Variants in ATP2B1 observed in about 807,000 individuals in gnomAD.
ATP2B1 encodes the protein ATPase plasma membrane Ca2+ transporting 1.
ATP2B1 carries 14 observed loss-of-function variants against 124.2 expected under a neutral mutation model. That is an observed-to-expected ratio of 0.11 (90% confidence interval 0.07 to 0.18). The LOEUF (loss-of-function observed/expected upper bound fraction) is 0.18. Among genes scored for constraint, ATP2B1 ranks in the 10% least tolerant of loss-of-function variants. The pLI is 1.00. For missense variants in ATP2B1, 763 were observed against 1,466.1 expected (o/e 0.52, Z 7.83); for synonymous variants, 449 against 492.4 (o/e 0.91, Z 1.17).
At chr12:89,645,719 C>T (rs928964976) in intron 2 of ATP2B1, among the ~76,000 whole-genome samples, 3 of 152,124 alleles carry the variant, frequency 2.0e-5, no homozygotes, top group African/African-American at 7.2e-5. Flanking sequence ...CCCAGTGACC[C>T]TGGAGGAAAG....
chr12:89,699,980 G>A (rs1891636469), intron 1 of ATP2B1, among the ~76,000 whole-genome samples: 1 of 150,788 alleles, frequency 6.6e-6, no homozygotes, highest in Non-Finnish European at 1.5e-5. Flanking sequence ...AAGTAGCTAG[G>A]ACTACAGGTA....
chr12:89,619,517 C>T (rs1388909581), intron 11 of ATP2B1, among the ~76,000 whole-genome samples: 1 of 151,182 alleles, frequency 6.6e-6, no homozygotes, highest in African/African-American at 2.4e-5. Context: ...GAGGCTGAGG[C>T]AGGAGAATCC....
At chr12:89,683,643 G>C (rs1245969364) in intron 1 of ATP2B1, among the ~76,000 whole-genome samples, 1 of 152,184 alleles carries the variant, frequency 6.6e-6, no homozygotes, top group Non-Finnish European at 1.5e-5. Context: ...GTTCCAGACA[G>C]TGTAGAGGAG....
Position 89,599,313 on chromosome 12 carries a change from G to T in ATP2B1, c.3169-14C>A, listed in dbSNP as rs757585812. The stretch of plus-strand genomic sequence containing the variant: ...TGTTGAAATAAGCTACAACACAGGG[G>T]AATGAACTTAGAAATAAATCATATC... On this transcript the variant is annotated splice_polypyrimidine_tract_variant and intron_variant, in intron 19 of 20. Transcript: ENST00000428670. 4 of 1,611,550 alleles carry T rather than the reference G, an allele frequency of 2.5e-6. No homozygotes were observed. Among genetic ancestry groups the T allele is most frequent in the Non-Finnish European group, 3.4e-6 (4 of 1,178,628 alleles).
At chr12:89,605,313 C>T (rs1948272834) in intron 15 of ATP2B1, among the ~76,000 whole-genome samples, 1 of 152,180 alleles carries the variant, frequency 6.6e-6, no homozygotes, top group Non-Finnish European at 1.5e-5. Context: ...AATCTCTAAT[C>T]AACCAAGTGC....
At chr12:89,672,528 C>T (rs986454840) in intron 1 of ATP2B1, among the ~76,000 whole-genome samples, 4 of 152,096 alleles carry the variant, frequency 2.6e-5, no homozygotes, top group Non-Finnish European at 4.4e-5. Context: ...CTTTCTATTC[C>T]TTTCTTATCT....
chr12:89,635,957 T>C (rs1882621710), intron 3 of ATP2B1, among the ~76,000 whole-genome samples: 1 of 152,040 alleles, frequency 6.6e-6, no homozygotes, highest in African/African-American at 2.4e-5. Flanking sequence ...GGGGACGGTA[T>C]ATGAAGAATT....
chr12:89,615,863 T>A (rs1388684840), intron 12 of ATP2B1, among the ~76,000 whole-genome samples: 2 of 152,210 alleles, frequency 1.3e-5, no homozygotes, highest in Non-Finnish European at 2.9e-5. Context: ...TTTTTAAACA[T>A]GTCTAACGCT....
At chr12:89,671,324 A>T (rs1422793563) in intron 1 of ATP2B1, among the ~76,000 whole-genome samples, 1 of 152,188 alleles carries the variant, frequency 6.6e-6, no homozygotes, top group Non-Finnish European at 1.5e-5. Context: ...TCATTAGAAG[A>T]GGAAAAGAAA....
chr12:89,597,178 AGGAGCACC>A (rs1365637619), intron 20 of ATP2B1, among the ~76,000 whole-genome samples: 4 of 152,138 alleles, frequency 2.6e-5, no homozygotes, highest in African/African-American at 9.7e-5. Context: ...CTAGGTGGTA[AGGAGCACC>A]AGAGAGAGAG....
At chr12:89,617,940 G>C (rs1879281845) in intron 11 of ATP2B1, among the ~76,000 whole-genome samples, 1 of 152,050 alleles carries the variant, frequency 6.6e-6, no homozygotes, top group Non-Finnish European at 1.5e-5. Flanking sequence ...TAGCTCCTAA[G>C]TCCTATACAT....
chr12:89,645,129 T>C (rs1391924202), intron 2 of ATP2B1, among the ~76,000 whole-genome samples: 1 of 152,116 alleles, frequency 6.6e-6, no homozygotes, highest in Non-Finnish European at 1.5e-5. Context: ...TAATATCAGT[T>C]GGCCAAACTT....
chr12:89,649,123 T>C (rs1592858552), intron 2 of ATP2B1, among the ~76,000 whole-genome samples: 1 of 152,242 alleles, frequency 6.6e-6, no homozygotes, highest in Admixed American at 6.5e-5. Flanking sequence ...CAAGGGGAAT[T>C]GTAGGGTTGG....
Position 89,609,962 on chromosome 12 carries a change from T to C in ATP2B1, c.2417A>G (p.Lys806Arg), listed in dbSNP as rs887969575. ...CATTGCAAATCCAACATCTGCTTTC[T>C]TTAGTGCTGGGCCATCATTTGTACC... ...GDGTNDGPAL[K>R]KADVGFAMGI... Residue 806 changes from lysine (K) to arginine (R), a missense_variant, in exon 15 of 21, where the codon AAG (lysine) becomes AGG (arginine). Physicochemically the swap from Lys to Arg is conservative, Grantham distance 26 (BLOSUM62 2). Around this residue, in one of 7 missense-constraint regions of ATP2B1, gnomAD observed 51 missense variants for 192.8 expected, o/e 0.26. Transcript: ENST00000428670. 3 of 1,613,656 alleles carry C rather than the reference T, an allele frequency of 1.9e-6. No homozygotes were observed. Among genetic ancestry groups the C allele is most frequent in the Non-Finnish European group, 8.5e-7 (1 of 1,179,708 alleles).
chr12:89,599,744 G>C (rs1414214245), intron 19 of ATP2B1, among the ~76,000 whole-genome samples: 1 of 151,692 alleles, frequency 6.6e-6, no homozygotes, highest in East Asian at 1.9e-4. Flanking sequence ...AAATCATTAA[G>C]GTTACACTGA....
intron 14 of ATP2B1, 45 bp downstream of exon 14, chr12:89,610,376 A>C: frequency 6.7e-7 from 1 of 1,494,294 alleles, no homozygotes; most frequent in East Asian, 2.3e-5. Flanking sequence ...AGCAGAACAC[A>C]TTTCTGTATT....
rs530151643 is a variant in ATP2B1, at chr12:89,624,892, T to C, written c.1130-495A>G. ...TATTATTTCTTCAATTTTTTTGCTC[T>C]ATCCTTACTGTTTCATTAACTTAGT... On this transcript the variant is annotated intron_variant, in intron 8 of 20. Coordinates refer to ENST00000428670, the MANE Select transcript of ATP2B1 (RefSeq NM_001366521.1). Among the ~76,000 whole-genome samples, 6 of 152,360 alleles carry C rather than the reference T, an allele frequency of 3.9e-5. No homozygotes were observed. In the South Asian group the frequency reaches 1.2e-3, roughly 32 times the overall value.
intron 19 of ATP2B1, 124 bp downstream of exon 19, chr12:89,601,202 C>A: frequency 1.5e-6 from 1 of 665,070 alleles, no homozygotes; most frequent in South Asian, 2.1e-5. Flanking sequence ...TCTTTGAATG[C>A]CCTCTCTTTA....
Position 89,635,259 on chromosome 12 carries a change from GA to G in ATP2B1, c.407-9del. On this transcript the variant is annotated splice_polypyrimidine_tract_variant and intron_variant, in intron 3 of 20. Transcript: ENST00000428670. ...CAGAAACTTCTCCACAAACTATTTG[GA>G]AAGAAAGAAAATGCTTATCAAAAAG... 6.2e-7 allele frequency: 1 copy of G among 1,605,544 alleles called. No individual in the cohort carries two copies. The highest frequency in any genetic ancestry group is 8.5e-7 in the Non-Finnish European group (1 of 1,177,122).
Sources: allele counts gnomAD v4.1 joint callset (sites outside exome capture counted in the v4.1 genomes callset), GRCh38; gene constraint gnomAD v4.1.1; regional missense constraint gnomAD v4.1.1; transcripts MANE v1.5; gene names NCBI Gene and HGNC (gene_info 2026-07-23, HGNC 2026-07-21).